Variants in ROBO2 observed in about 807,000 individuals in gnomAD.
ROBO2 encodes the protein roundabout guidance receptor 2, also known as roundabout homolog 2.
Under a neutral mutation model 160.8 loss-of-function variants are expected in ROBO2, and 53 were observed. That is an observed-to-expected ratio of 0.33 (90% CI 0.26 to 0.41). The LOEUF is 0.41. Ranked by LOEUF, ROBO2 falls within the 10% of genes least tolerant of loss-of-function variation. The probability of loss-of-function intolerance (pLI) is 1.00; values close to 1 mark genes in which losing one functional copy is unlikely to be tolerated. For missense variants in ROBO2, 1,577 were observed against 1,722.4 expected (o/e 0.92, Z 1.49); for synonymous variants, 664 against 611.7 (o/e 1.09, Z -1.26).
At chr3:77,225,273 T>C (rs748956863) in intron 2 of ROBO2, among the ~76,000 whole-genome samples, 6 of 151,984 alleles carry the variant, frequency 3.9e-5, no homozygotes, top group Non-Finnish European at 5.9e-5. Context: ...GGAATTACTA[T>C]GCTCATGTTG....
At chr3:77,264,113 C>T (rs976261899) in intron 2 of ROBO2, among the ~76,000 whole-genome samples, 1 of 152,082 alleles carries the variant, frequency 6.6e-6, no homozygotes, top group Non-Finnish European at 1.5e-5. Context: ...ACCCCACTGC[C>T]ATAGATGCCA....
chr3:75,958,914 A>C (rs1948810854), intron 2 of ROBO2, among the ~76,000 whole-genome samples: 1 of 151,788 alleles, frequency 6.6e-6, no homozygotes, highest in African/African-American at 2.4e-5. Context: ...AGTAAGGAGT[A>C]TAGATGAGGT....
At chr3:76,977,269 T>A (rs894265429) in intron 2 of ROBO2, among the ~76,000 whole-genome samples, 2 of 152,174 alleles carry the variant, frequency 1.3e-5, no homozygotes, top group Non-Finnish European at 2.9e-5. Context: ...ATAACAAACA[T>A]TTTAAAAGAA....
chr3:76,996,128 A>G (rs1487322198), intron 2 of ROBO2, among the ~76,000 whole-genome samples: 4 of 152,128 alleles, frequency 2.6e-5, no homozygotes, highest in Non-Finnish European at 5.9e-5. Context: ...TAATTTTTGT[A>G]TAAGGTGTAA....
chr3:76,597,402 A>C (rs2086806117), intron 2 of ROBO2, among the ~76,000 whole-genome samples: 1 of 152,116 alleles, frequency 6.6e-6, no homozygotes, highest in African/African-American at 2.4e-5. Flanking sequence ...AAATCTCTTA[A>C]AACTCAATAG....
chr3:77,546,004 TATTTAAA>T (rs2092683528), intron 6 of ROBO2, among the ~76,000 whole-genome samples: 1 of 152,146 alleles, frequency 6.6e-6, no homozygotes, highest in Non-Finnish European at 1.5e-5. Flanking sequence ...TATCTTTATT[TATTTAAA>T]AAGCAGAACC....
chr3:76,940,119 A>C (rs1476700733), intron 2 of ROBO2, among the ~76,000 whole-genome samples: 11 of 151,744 alleles, frequency 7.2e-5, no homozygotes, highest in South Asian at 6.3e-4. Flanking sequence ...GTAGCTGGGA[A>C]TACAGGCGCC....
intron 2 of ROBO2, among the ~76,000 whole-genome samples, chr3:77,427,277 G>A (rs1385137152): frequency 6.6e-6 from 1 of 152,150 alleles, no homozygotes; most frequent in African/African-American, 2.4e-5. Context: ...ACACAGGGCT[G>A]AATTAATAAT....
chr3:77,533,006 G>A (rs1361509842), intron 6 of ROBO2, among the ~76,000 whole-genome samples: 4 of 151,828 alleles, frequency 2.6e-5, no homozygotes, highest in East Asian at 1.9e-4. Flanking sequence ...GTTAAATTTC[G>A]TTTTGCATAG....
chr3:76,462,606 T>TA (rs61062093), intron 2 of ROBO2, among the ~76,000 whole-genome samples: 2,070 of 134,482 alleles, frequency 0.015, 18 homozygotes, highest in African/African-American at 0.029. Flanking sequence ...CTTAAAGTAT[T>TA]AAAAAAAAAA....
At chr3:77,500,975 C>T (rs1343828849) in intron 5 of ROBO2, among the ~76,000 whole-genome samples, 1 of 152,196 alleles carries the variant, frequency 6.6e-6, no homozygotes, top group Non-Finnish European at 1.5e-5. Context: ...TAACTGACAG[C>T]TCTTGTGTGT....
At chr3:76,758,736 G>A (rs1367911987) in intron 2 of ROBO2, among the ~76,000 whole-genome samples, 2 of 151,802 alleles carry the variant, frequency 1.3e-5, no homozygotes, top group Non-Finnish European at 2.9e-5. Flanking sequence ...AGACCATCAC[G>A]TCTGCTACTG....
At chr3:76,347,328 A>G (rs2074588824) in intron 2 of ROBO2, among the ~76,000 whole-genome samples, 1 of 152,146 alleles carries the variant, frequency 6.6e-6, no homozygotes, top group Non-Finnish European at 1.5e-5. Flanking sequence ...TACTTTAAGG[A>G]ACAGAATTAT....
At chr3:76,325,248 C>A (rs1329794906) in intron 2 of ROBO2, among the ~76,000 whole-genome samples, 1 of 152,148 alleles carries the variant, frequency 6.6e-6, no homozygotes, top group East Asian at 1.9e-4. Flanking sequence ...TGGCTCAGAG[C>A]CTTCATTATG....
intron 2 of ROBO2, among the ~76,000 whole-genome samples, chr3:76,340,080 A>G (rs1317496384): frequency 2.2e-5 from 1 of 45,134 alleles, no homozygotes; most frequent in African/African-American, 3.8e-5. Flanking sequence ...AAAATGAACC[A>G]ATTGCAAAAA....
At chr3:76,114,320 T>C (rs2070368797) in intron 2 of ROBO2, among the ~76,000 whole-genome samples, 1 of 152,132 alleles carries the variant, frequency 6.6e-6, no homozygotes, top group African/African-American at 2.4e-5. Flanking sequence ...TGAAATTAAT[T>C]TCTTGGGTAT....
At position 76,272,838 on chromosome 3, in the gene ROBO2, T is replaced by A. The variant is rs1353108345; in HGVS notation, c.109+335236T>A. On this transcript the variant is annotated intron_variant, in intron 2 of 26. Transcript: ENST00000487694. Reference sequence around the variant, plus strand: ...TATGTATTTATATATAAAATATATATATTATATATTATATATAAAATATAT... The same window carrying A: ...TATGTATTTATATATAAAATATATAAATTATATATTATATATAAAATATAT... 1.0e-3 allele frequency among the ~76,000 whole-genome samples: 29 copies of A among 28,000 alleles called. 1 individual carries two copies. Among genetic ancestry groups the A allele is most frequent in the Admixed American group, 1.8e-3 (3 of 1,696 alleles). 18.4% of individuals were successfully genotyped at this position (28,000 alleles called of 152,430 possible).
At chr3:76,322,534 T>G (rs1488210667) in intron 2 of ROBO2, among the ~76,000 whole-genome samples, 3 of 152,134 alleles carry the variant, frequency 2.0e-5, no homozygotes, top group Non-Finnish European at 2.9e-5. Context: ...TATGATTTTA[T>G]TCATCTGTTT....
intron 2 of ROBO2, among the ~76,000 whole-genome samples, chr3:76,596,335 C>T (rs940618937): frequency 3.3e-5 from 5 of 151,930 alleles, no homozygotes; most frequent in African/African-American, 1.2e-4. Flanking sequence ...CCAGTATCAC[C>T]ATAAGTGATA....
Sources: gnomAD v4.1 joint callset for allele counts (sites outside exome capture counted in the v4.1 genomes callset) on GRCh38, gnomAD v4.1.1 for gene constraint, MANE v1.5 for transcripts, NCBI Gene and HGNC (gene_info 2026-07-23, HGNC 2026-07-21) for gene names.